PTPRN2: variants seen among roughly 807,000 people sequenced by gnomAD.
The protein encoded by PTPRN2 is protein tyrosine phosphatase receptor type N2.
A neutral mutation model predicts 118.8 loss-of-function variants in PTPRN2; 74 were observed. That is an observed-to-expected ratio of 0.62 (90% CI 0.52 to 0.76). The LOEUF (loss-of-function observed/expected upper bound fraction) is 0.76, where lower values mean the gene tolerates loss of function less well. PTPRN2 is among the 30% of genes least tolerant of loss of function. The pLI, the probability that PTPRN2 is intolerant of heterozygous loss-of-function variation, is 0.00. For synonymous variants in PTPRN2, 641 were observed against 608.0 expected, an observed-to-expected ratio of 1.05 and a Z score of -0.80; for missense variants, 1,481 against 1,394.4, an observed-to-expected ratio of 1.06 and a Z score of -0.99.
intron 14 of PTPRN2, among the ~76,000 whole-genome samples, chr7:157,648,633 T>C (rs377548981): frequency 2.6e-3 from 201 of 77,152 alleles, no homozygotes; most frequent in Middle Eastern, 0.025. Context: ...CTCGGTGGGT[T>C]GGACCCATCC....
intron 14 of PTPRN2, among the ~76,000 whole-genome samples, chr7:157,645,673 C>T (rs951845966): frequency 2.6e-5 from 4 of 152,162 alleles, no homozygotes; most frequent in Non-Finnish European, 5.9e-5. Context: ...AGGGCCCTCT[C>T]CTGAGAGCGG....
intron 6 of PTPRN2, among the ~76,000 whole-genome samples, chr7:158,155,050 G>C (rs1426497114): frequency 6.6e-6 from 1 of 152,186 alleles, no homozygotes; most frequent in Non-Finnish European, 1.5e-5. Context: ...ACTGCACCAC[G>C]TAATTCTGCA....
At chr7:157,830,053 GCCCCACCCTCCCTCC>G (rs1807456126) in intron 12 of PTPRN2, among the ~76,000 whole-genome samples, 1 of 142,712 alleles carries the variant, frequency 7.0e-6, no homozygotes, top group East Asian at 2.1e-4. Flanking sequence ...ACCCCCTCCT[GCCCCACCCTCCCTCC>G]CACTGTCCTT....
intron 12 of PTPRN2, among the ~76,000 whole-genome samples, chr7:157,759,534 CTT>C (rs1386335677): frequency 2.0e-5 from 3 of 152,196 alleles, no homozygotes; most frequent in Non-Finnish European, 1.5e-5. Context: ...TAAAGCCAGA[CTT>C]TAAAGAATGA....
chr7:157,789,603 G>A (rs1165202743), intron 12 of PTPRN2, among the ~76,000 whole-genome samples: 1 of 152,220 alleles, frequency 6.6e-6, no homozygotes, highest in African/African-American at 2.4e-5. Flanking sequence ...GAGGTCCCCA[G>A]CCTTTGACAG....
At chr7:157,552,703 G>A (rs1798691993) in intron 21 of PTPRN2, among the ~76,000 whole-genome samples, 1 of 152,262 alleles carries the variant, frequency 6.6e-6, no homozygotes, top group Non-Finnish European at 1.5e-5. Context: ...CAAAAAAGGT[G>A]AGTTAAAGGC....
At chr7:158,174,485 C>T (rs1289073242) in intron 5 of PTPRN2, among the ~76,000 whole-genome samples, 4 of 151,792 alleles carry the variant, frequency 2.6e-5, no homozygotes, top group Non-Finnish European at 5.9e-5. Context: ...CCACCATCAT[C>T]ATCATCAGCA....
chr7:157,877,593 G>A (rs371761293), intron 12 of PTPRN2, among the ~76,000 whole-genome samples: 54 of 152,242 alleles, frequency 3.5e-4, no homozygotes, highest in East Asian at 3.5e-3. Flanking sequence ...CCTCCCCTCC[G>A]TGCACCCCGC....
intron 12 of PTPRN2, among the ~76,000 whole-genome samples, chr7:157,707,659 C>T (rs1316512602): frequency 6.6e-6 from 1 of 152,036 alleles, no homozygotes; most frequent in African/African-American, 2.4e-5. Flanking sequence ...TCTCTGCTCA[C>T]TGCAACCTCC....
At chr7:157,698,164 T>C (rs1218006756) in intron 12 of PTPRN2, among the ~76,000 whole-genome samples, 1 of 152,274 alleles carries the variant, frequency 6.6e-6, no homozygotes, top group African/African-American at 2.4e-5. Flanking sequence ...AAATGTAAGA[T>C]ATAGCTATAA....
At chr7:158,584,773 C>T (rs745757903) in intron 1 of PTPRN2, among the ~76,000 whole-genome samples, 3 of 152,190 alleles carry the variant, frequency 2.0e-5, no homozygotes, top group Non-Finnish European at 4.4e-5. Context: ...AGAATAAACT[C>T]AGAGACAGCA....
At chr7:158,013,573 A>G (rs1437266005) in intron 11 of PTPRN2, among the ~76,000 whole-genome samples, 2 of 151,812 alleles carry the variant, frequency 1.3e-5, no homozygotes, top group African/African-American at 2.4e-5. Context: ...TAATCTACCA[A>G]TTCACTTGTT....
chr7:158,234,261 C>A (rs1013661911), intron 3 of PTPRN2, among the ~76,000 whole-genome samples: 7 of 147,726 alleles, frequency 4.7e-5, no homozygotes, highest in Non-Finnish European at 9.0e-5. Context: ...GAGCTCAAAA[C>A]ACTCAACAGC....
chr7:158,352,757 CTT>C (rs1460939634), intron 2 of PTPRN2, among the ~76,000 whole-genome samples: 1 of 152,238 alleles, frequency 6.6e-6, no homozygotes, highest in African/African-American at 2.4e-5. Context: ...AAAACTCTCT[CTT>C]AGAATTACCA....
chr7:157,607,937 T>G (rs1198086469), intron 15 of PTPRN2, among the ~76,000 whole-genome samples: 1 of 152,164 alleles, frequency 6.6e-6, no homozygotes, highest in Non-Finnish European at 1.5e-5. Context: ...TTTAGCCGAA[T>G]TCATTTCCCC....
chr7:158,054,793 G>A (rs1280885289), intron 11 of PTPRN2, among the ~76,000 whole-genome samples: 3 of 152,250 alleles, frequency 2.0e-5, no homozygotes, highest in Non-Finnish European at 4.4e-5. Context: ...CAGCTGATGT[G>A]CCTGGGGGCG....
At chr7:158,315,871 G>C (rs1382114399) in intron 3 of PTPRN2, among the ~76,000 whole-genome samples, 1 of 152,196 alleles carries the variant, frequency 6.6e-6, no homozygotes, top group African/African-American at 2.4e-5. Context: ...TAACCAAGTG[G>C]ATAGGGTGAC....
intron 3 of PTPRN2, among the ~76,000 whole-genome samples, chr7:158,260,343 C>A (rs1220603071): frequency 6.6e-6 from 1 of 152,174 alleles, no homozygotes; most frequent in Non-Finnish European, 1.5e-5. Flanking sequence ...CAGCACACAG[C>A]TCAAATGTTA....
At chr7:157,683,147 G>T (rs1310851341) in intron 12 of PTPRN2, among the ~76,000 whole-genome samples, 2 of 152,234 alleles carry the variant, frequency 1.3e-5, no homozygotes, top group Non-Finnish European at 2.9e-5. Flanking sequence ...AGATTGCAGC[G>T]TGCTCAAGAG....
Sources: gnomAD v4.1 joint callset for allele counts (sites outside exome capture counted in the v4.1 genomes callset) on GRCh38, gnomAD v4.1.1 for gene constraint, MANE v1.5 for transcripts, NCBI Gene and HGNC (gene_info 2026-07-23, HGNC 2026-07-21) for gene names.